Variants in MYT1 observed in about 807,000 individuals in gnomAD.
The protein encoded by MYT1 is myelin transcription factor I.
Under a neutral mutation model 123.0 loss-of-function variants are expected in MYT1, and 23 were observed. The observed-to-expected ratio is 0.19, with a 90% CI of 0.13 to 0.26. The LOEUF (loss-of-function observed/expected upper bound fraction) is 0.26, where lower values mean the gene tolerates loss of function less well. Ranked by LOEUF, MYT1 falls within the 10% of genes least tolerant of loss-of-function variation. MYT1 has a pLI of 1.00. For synonymous variants in MYT1, 518 were observed against 575.3 expected (o/e 0.90, Z 1.43); for missense variants, 1,125 against 1,472.5 (o/e 0.76, Z 3.86).
chr20:64,181,659 C>T (rs533973300), intron 1 of MYT1, among the ~76,000 whole-genome samples: 68 of 152,254 alleles, frequency 4.5e-4, no homozygotes, highest in Middle Eastern at 3.4e-3. Context: ...CACTGTTAGT[C>T]GAGGGAGCCT....
chr20:64,171,771 C>T (rs1159120841), intron 1 of MYT1, among the ~76,000 whole-genome samples: 5 of 150,504 alleles, frequency 3.3e-5, no homozygotes, highest in African/African-American at 1.2e-4. Context: ...AAACCCTAAC[C>T]CCTAACCTCT....
chr20:64,226,598 G>A (rs927899325), intron 16 of MYT1, among the ~76,000 whole-genome samples: 8 of 152,212 alleles, frequency 5.3e-5, no homozygotes, highest in Admixed American at 4.6e-4. Flanking sequence ...GGATCTACCC[G>A]CAGAATCAGG....
chr20:64,197,290 A>C (rs535573348), intron 2 of MYT1, among the ~76,000 whole-genome samples: 31 of 152,042 alleles, frequency 2.0e-4, no homozygotes, highest in Middle Eastern at 3.4e-3. Context: ...CAATTTGCAA[A>C]TTTCATCTTA....
intron 18 of MYT1, among the ~76,000 whole-genome samples, chr20:64,229,331 G>A (rs531201586): frequency 2.0e-5 from 3 of 152,224 alleles, no homozygotes; most frequent in Non-Finnish European, 2.9e-5. Context: ...CTGCTGGCAG[G>A]GATATTATAA....
At position 64,217,049 on chromosome 20, in the gene MYT1, C is replaced by T. The variant is rs1568714633; in HGVS notation, c.1632-18C>T. ...AGGTCCCATCTCACTGGCTGTGCAT[C>T]CCTGTACTGCACCCCAGGCCCATGT... On this transcript the variant is annotated intron_variant, in intron 10 of 22. Coordinates refer to ENST00000328439, the MANE Select transcript of MYT1 (RefSeq NM_004535.3). 1 of 1,608,828 alleles carries T rather than the reference C, an allele frequency of 6.2e-7. No individual in the cohort carries two copies. The highest frequency in any genetic ancestry group is 8.5e-7 in the Non-Finnish European group (1 of 1,177,014).
Position 64,207,985 on chromosome 20 carries a change from G to C in MYT1, c.789G>C (p.Glu263Asp). ...GILSHEEEDE[E>D]EEEEEEEEEE... The stretch of plus-strand genomic sequence containing the variant: ...TGAGTCACGAAGAGGAGGACGAGGA[G>C]GAGGAGGAGGAGGAAGAGGAGGAGG... The change falls in exon 7 of 23, where the codon GAG (glutamate) becomes GAC (aspartate). Residue 263 changes from glutamate (E) to aspartate (D), a missense_variant. Coordinates refer to ENST00000328439, the MANE Select transcript of MYT1 (RefSeq NM_004535.3). 2 of 1,595,578 alleles carry C rather than the reference G, an allele frequency of 1.3e-6. No individual in the cohort carries two copies. Among genetic ancestry groups the C allele is most frequent in the South Asian group, 1.1e-5 (1 of 88,336 alleles).
chr20:64,184,946 G>T (rs944770337), intron 1 of MYT1, among the ~76,000 whole-genome samples: 1 of 152,214 alleles, frequency 6.6e-6, no homozygotes, highest in Non-Finnish European at 1.5e-5. Flanking sequence ...CACAGAAGGG[G>T]GTGAACAGAC....
intron 13 of MYT1, 102 bp from the exon 14 acceptor site, chr20:64,221,791 T>C: frequency 3.3e-6 from 4 of 1,219,970 alleles, no homozygotes; most frequent in African/African-American, 1.5e-5. Context: ...GAGATGCTTC[T>C]GTGGACACTG....
At chr20:64,209,576 C>A (rs1247630116) in intron 7 of MYT1, among the ~76,000 whole-genome samples, 1 of 152,070 alleles carries the variant, frequency 6.6e-6, no homozygotes, top group African/African-American at 2.4e-5. Context: ...TTAGCTGAGA[C>A]CAGGGAGGGA....
chr20:64,219,620 T>C (rs1414789440), intron 12 of MYT1, 93 bp from the exon 13 acceptor site: 3 of 1,099,500 alleles, frequency 2.7e-6, no homozygotes, highest in Admixed American at 2.3e-5. Context: ...TGGGAACCAG[T>C]GTTCTGGACT....
intron 16 of MYT1, among the ~76,000 whole-genome samples, chr20:64,225,023 C>G (rs1046375013): frequency 6.6e-6 from 1 of 152,188 alleles, no homozygotes; most frequent in African/African-American, 2.4e-5. Flanking sequence ...GACCAAAAGC[C>G]TCCCCTGTGT....
Position 64,232,318 on chromosome 20 carries a change from C to A in MYT1, c.2830C>A (p.Pro944Thr). ...CTGGAAGTCCCTGAAGAATGAAGGA[C>A]CGACCTGCCCCACCCCGGGCTGTGA... ...FSWKSLKNEGPTCPTPGCDGS... is the reference protein window; with the variant it reads ...FSWKSLKNEGTTCPTPGCDGS... The change falls in exon 19 of 23, where the codon CCG becomes ACG. Residue 944 changes from proline (P) to threonine (T), a missense_variant. Physicochemically the swap from Pro to Thr is conservative, Grantham distance 38. This residue lies in a region of MYT1 where 243 missense variants were observed against 323.1 expected (regional missense o/e 0.75). Transcript: ENST00000328439. The surrounding 1 kb of genome is among the most constrained non-coding windows in gnomAD (Gnocchi z 6.9). 6.2e-7 allele frequency: 1 copy of A among 1,613,028 alleles called. No homozygotes were observed. Among genetic ancestry groups the A allele is most frequent in the African/African-American group, 1.3e-5 (1 of 75,060 alleles).
At position 64,186,405 on chromosome 20, in the gene MYT1, AACTCAATAACCCAAGAGAACAG is replaced by A. The variant is rs1367178792; in HGVS notation, c.-98-3657_-98-3636del. 3.4e-4 allele frequency among the ~76,000 whole-genome samples: 52 copies of A among 152,286 alleles called. No individual in the cohort carries two copies. Among genetic ancestry groups the A allele is most frequent in the African/African-American group, 1.2e-3 (48 of 41,548 alleles). ...CAGGGATTCAGATTAACTCACTAGAAACTCAATAACCCAAGAGAACAGGCTCGTCTGGATGAAAACCTCCACT... is the reference window on the plus strand; with the variant it reads ...CAGGGATTCAGATTAACTCACTAGAAGCTCGTCTGGATGAAAACCTCCACT... On this transcript the variant is annotated intron_variant, in intron 1 of 22. Coordinates refer to ENST00000328439, the MANE Select transcript of MYT1 (RefSeq NM_004535.3). The surrounding 1 kb of genome is among the most constrained non-coding windows in gnomAD (Gnocchi z 4.3).
intron 16 of MYT1, among the ~76,000 whole-genome samples, chr20:64,227,184 G>A (rs1048262251): frequency 2.0e-5 from 3 of 152,212 alleles, no homozygotes; most frequent in Non-Finnish European, 4.4e-5. Context: ...GGTCTCCCTC[G>A]GGGAGACGGG....
In MYT1 at chr20:64,213,014, G is replaced by A. The variant is rs1331477775; in HGVS notation, c.1518-520G>A. 6.6e-6 allele frequency among the ~76,000 whole-genome samples: 1 copy of A among 152,218 alleles called. No homozygotes were observed. The highest frequency in any genetic ancestry group is 6.5e-5 in the Admixed American group (1 of 15,292). Reference sequence around the variant, plus strand: ...CACAGTTAACTTTATTCTGACAGATGAAGCTGCTGCCTCCGTGTCTTAGAC... The same window carrying A: ...CACAGTTAACTTTATTCTGACAGATAAAGCTGCTGCCTCCGTGTCTTAGAC... On this transcript the variant is annotated intron_variant, in intron 9 of 22. Transcript: ENST00000328439. The surrounding 1 kb of genome is among the most constrained non-coding windows in gnomAD (Gnocchi z 5.6).
chr20:64,215,471 T>C (rs1481122456), intron 10 of MYT1, among the ~76,000 whole-genome samples: 2 of 152,134 alleles, frequency 1.3e-5, no homozygotes, highest in Non-Finnish European at 2.9e-5. Context: ...CTTTGGGGTG[T>C]GAGGACGGGC....
At position 64,185,237 on chromosome 20, in the gene MYT1, C is replaced by T. The variant is rs1982765773; in HGVS notation, c.-98-4826C>T. The stretch of plus-strand genomic sequence containing the variant: ...TGATATTCCTGGGAACTTTCATTGA[C>T]AGTGGGAAGGAGGTGGGTATAAAGT... On this transcript the variant is annotated intron_variant, in intron 1 of 22. Transcript: ENST00000328439. This position sits in a 1 kb window ranked among gnomAD's most constrained non-coding sequence, Gnocchi z 4.5. Among the ~76,000 whole-genome samples the T allele has an allele frequency of 6.6e-6, 1 of 152,128 alleles. No homozygotes were observed. The highest frequency in any genetic ancestry group is 1.5e-5 in the Non-Finnish European group (1 of 68,026).
intron 2 of MYT1, among the ~76,000 whole-genome samples, chr20:64,194,015 C>T (rs1279985398): frequency 6.6e-6 from 1 of 152,108 alleles, no homozygotes; most frequent in Non-Finnish European, 1.5e-5. Flanking sequence ...CTCTCTGCAG[C>T]CCCTCTGACC....
intron 4 of MYT1, among the ~76,000 whole-genome samples, chr20:64,204,231 A>C (rs1983410733): frequency 1.3e-5 from 2 of 152,246 alleles, no homozygotes; most frequent in Non-Finnish European, 2.9e-5. Flanking sequence ...ACTCATGCTC[A>C]GAAGTTTCCA....
Sources: gnomAD v4.1 joint callset for allele counts (sites outside exome capture counted in the v4.1 genomes callset) on GRCh38, gnomAD v4.1.1 for gene constraint, gnomAD v4.1.1 regional missense constraint, Gnocchi (gnomAD v3.1) non-coding constraint, MANE v1.5 for transcripts, NCBI Gene and HGNC (gene_info 2026-07-23, HGNC 2026-07-21) for gene names.